The following CCDC91 variants were observed in gnomAD, a reference collection of about 807,000 sequenced individuals.
The protein encoded by CCDC91 is coiled-coil domain-containing protein 91.
In CCDC91, 48 loss-of-function variants were observed where a neutral mutation model predicts 63.2. The ratio of observed to expected loss-of-function variants is 0.76; its 90% CI spans 0.60 to 0.97. The LOEUF (loss-of-function observed/expected upper bound fraction) is 0.97, where lower values mean the gene tolerates loss of function less well. Among genes scored for constraint, CCDC91 ranks in the 50% least tolerant of loss-of-function variants. The pLI is 0.00. For synonymous variants in CCDC91, 167 were observed against 165.8 expected (o/e 1.01, Z -0.06); for missense variants, 500 against 494.6 (o/e 1.01, Z -0.10).
chr12:28,394,310 C>CA (rs1265955335), intron 8 of CCDC91, among the ~76,000 whole-genome samples: 5 of 151,816 alleles, frequency 3.3e-5, no homozygotes, highest in South Asian at 2.1e-4. Flanking sequence ...ACTAAAAATA[C>CA]AAAAAATTAG....
chr12:28,509,574 A>G (rs1438272189), intron 12 of CCDC91, among the ~76,000 whole-genome samples: 4 of 152,038 alleles, frequency 2.6e-5, no homozygotes, highest in African/African-American at 9.6e-5. Flanking sequence ...GGTTTTATTT[A>G]TATCATTTTT....
intron 6 of CCDC91, among the ~76,000 whole-genome samples, chr12:28,343,204 A>G (rs2138038391): frequency 6.6e-6 from 1 of 150,800 alleles, no homozygotes; most frequent in Non-Finnish European, 1.5e-5. Flanking sequence ...TGTAATATAT[A>G]TATATATATA....
chr12:28,264,993 G>A (rs1211118065), intron 3 of CCDC91, among the ~76,000 whole-genome samples: 2 of 151,902 alleles, frequency 1.3e-5, no homozygotes, highest in African/African-American at 4.8e-5. Flanking sequence ...GTTAATATTG[G>A]CAAACACTTT....
chr12:28,198,637 A>G (rs991132358), intron 1 of CCDC91, among the ~76,000 whole-genome samples: 1 of 152,186 alleles, frequency 6.6e-6, no homozygotes, highest in Non-Finnish European at 1.5e-5. Context: ...AGTTTTCATG[A>G]GATATTTAGA....
At chr12:28,461,447 C>G (rs1950307462) in intron 11 of CCDC91, among the ~76,000 whole-genome samples, 1 of 152,038 alleles carries the variant, frequency 6.6e-6, no homozygotes, top group Admixed American at 6.6e-5. Flanking sequence ...AAAAATCTAT[C>G]ATTTTTATAA....
At chr12:28,542,933 A>G (rs1942733834) in intron 12 of CCDC91, among the ~76,000 whole-genome samples, 1 of 152,070 alleles carries the variant, frequency 6.6e-6, no homozygotes, top group African/African-American at 2.4e-5. Context: ...GTGGCAATTT[A>G]CAACAAACTG....
At chr12:28,257,482 T>C (rs1289981019) in intron 2 of CCDC91, among the ~76,000 whole-genome samples, 1 of 152,108 alleles carries the variant, frequency 6.6e-6, no homozygotes, top group Non-Finnish European at 1.5e-5. Context: ...TAAATTGAGT[T>C]AATTAAGTGC....
chr12:28,277,236 A>G (rs1948296105), intron 3 of CCDC91, among the ~76,000 whole-genome samples: 1 of 152,020 alleles, frequency 6.6e-6, no homozygotes, highest in East Asian at 1.9e-4. Context: ...AGATTTATAA[A>G]TGACATTGTC....
chr12:28,423,326 G>C (rs1489161774), intron 8 of CCDC91, among the ~76,000 whole-genome samples: 1 of 152,064 alleles, frequency 6.6e-6, no homozygotes, highest in Admixed American at 6.6e-5. Context: ...CAGGAAAATG[G>C]GGAAGGACTT....
intron 8 of CCDC91, among the ~76,000 whole-genome samples, chr12:28,434,049 G>C (rs115095147): frequency 0.013 from 1,917 of 151,852 alleles, 48 homozygotes; most frequent in African/African-American, 0.044. Context: ...ATCTTGCGCT[G>C]TGCACCCTTA....
intron 12 of CCDC91, among the ~76,000 whole-genome samples, chr12:28,509,156 G>C (rs1939087913): frequency 6.6e-6 from 1 of 151,914 alleles, no homozygotes; most frequent in African/African-American, 2.4e-5. Context: ...TCTTTCTGGG[G>C]TGCTAAATCC....
chr12:28,382,488 T>C (rs1169297741), intron 7 of CCDC91, among the ~76,000 whole-genome samples: 1 of 152,066 alleles, frequency 6.6e-6, no homozygotes, highest in Non-Finnish European at 1.5e-5. Flanking sequence ...TGTCATAATT[T>C]GTCAGAATGC....
intron 1 of CCDC91, among the ~76,000 whole-genome samples, chr12:28,200,261 A>T: frequency 2.7e-5 from 4 of 146,610 alleles, no homozygotes; most frequent in Admixed American, 1.4e-4. Context: ...TTTGAGTGGT[A>T]GCTTTTCTAT....
chr12:28,480,646 A>T (rs1951396060), intron 11 of CCDC91, among the ~76,000 whole-genome samples: 1 of 152,026 alleles, frequency 6.6e-6, no homozygotes, highest in Non-Finnish European at 1.5e-5. Flanking sequence ...CTACAACCAC[A>T]TGTAACTTTT....
chr12:28,496,087 T>C (rs1047579362), intron 12 of CCDC91, among the ~76,000 whole-genome samples: 8 of 151,660 alleles, frequency 5.3e-5, no homozygotes, highest in Non-Finnish European at 1.2e-4. Flanking sequence ...AGAAGCTGCT[T>C]TCATCTGACT....
At chr12:28,442,036 T>C (rs1256378746) in intron 8 of CCDC91, among the ~76,000 whole-genome samples, 1 of 151,994 alleles carries the variant, frequency 6.6e-6, no homozygotes, top group Non-Finnish European at 1.5e-5. Context: ...TGGCAGAATA[T>C]TGATAATTGT....
chr12:28,515,779 T>C (rs1176008980), intron 12 of CCDC91, among the ~76,000 whole-genome samples: 1 of 151,886 alleles, frequency 6.6e-6, no homozygotes, highest in Non-Finnish European at 1.5e-5. Flanking sequence ...ATAGATTCTA[T>C]GTTATTTTTT....
At chr12:28,254,654 G>C (rs1281611919) in intron 1 of CCDC91, among the ~76,000 whole-genome samples, 2 of 151,812 alleles carry the variant, frequency 1.3e-5, no homozygotes, top group Non-Finnish European at 2.9e-5. Context: ...ATTATATGCA[G>C]AAAGATTATT....
At chr12:28,337,824 T>A (rs1257586740) in intron 6 of CCDC91, among the ~76,000 whole-genome samples, 2 of 152,288 alleles carry the variant, frequency 1.3e-5, no homozygotes, top group Non-Finnish European at 2.9e-5. Context: ...TCCCATTTTT[T>A]GAACATTTTT....
Sources: gnomAD v4.1 joint callset for allele counts (sites outside exome capture counted in the v4.1 genomes callset) on GRCh38, gnomAD v4.1.1 for gene constraint, MANE v1.5 for transcripts, NCBI Gene and HGNC (gene_info 2026-07-23, HGNC 2026-07-21) for gene names.